KLRG1: variants seen among roughly 807,000 people sequenced by gnomAD.
KLRG1 encodes killer cell lectin-like receptor subfamily G member 1.
Under a neutral mutation model 21.8 loss-of-function variants are expected in KLRG1, and 16 were observed. The observed-to-expected ratio is 0.73, with a 90% CI of 0.50 to 1.11. The LOEUF (loss-of-function observed/expected upper bound fraction) is 1.11, where lower values mean the gene tolerates loss of function less well. Among genes scored for constraint, KLRG1 ranks in the 50% most tolerant of loss-of-function variants. The probability of loss-of-function intolerance (pLI) is 0.00; values close to 1 mark genes in which losing one functional copy is unlikely to be tolerated. For missense variants in KLRG1, 173 were observed against 218.3 expected (o/e 0.79, Z 1.31); for synonymous variants, 69 against 75.9 (o/e 0.91, Z 0.47).
downstream of KLRG1, among the ~76,000 whole-genome samples, chr12:9,011,221 G>C (rs147560513): frequency 6.6e-6 from 1 of 152,158 alleles, no homozygotes; most frequent in Admixed American, 6.5e-5. Flanking sequence ...CCTATTGTCA[G>C]AATTGGGTGT....
chr12:8,967,709 A>G (rs1462652994), intron 1 of KLRG1, among the ~76,000 whole-genome samples: 1 of 152,204 alleles, frequency 6.6e-6, no homozygotes, highest in Non-Finnish European at 1.5e-5. Context: ...AGCCTGGCCA[A>G]CAGAGCTGGA....
chr12:9,154,169 G>A, the KLRG1 span, among the ~76,000 whole-genome samples: 30 of 152,130 alleles, frequency 2.0e-4, no homozygotes, highest in African/African-American at 6.0e-4. Context: ...CTGGAACATT[G>A]GTTCCCAACT....
At chr12:9,203,934 A>G in the KLRG1 span, 2 of 1,613,488 alleles carry the variant, frequency 1.2e-6, no homozygotes, top group East Asian at 4.5e-5. Context: ...CAGGGAGGGG[A>G]CCAGCACCAT....
the KLRG1 span, among the ~76,000 whole-genome samples, chr12:9,078,380 T>G: frequency 6.6e-6 from 1 of 152,246 alleles, no homozygotes; most frequent in African/African-American, 2.4e-5. Context: ...TCATTTCTTT[T>G]TATTGCTGCA....
rs1947604637 is a variant in KLRG1 at position 9,010,261 on chromosome 12, T to C, written c.*724T>C. 1 of 475,734 alleles carries C rather than the reference T, an allele frequency of 2.1e-6. No individual in the cohort carries two copies. The highest frequency in any genetic ancestry group is 3.7e-6 in the Non-Finnish European group (1 of 267,564). The allele number at this position is 475,734 out of a possible 1,614,324, so 29.5% of individuals were successfully genotyped here. ...TGAGGGCAAGGTGGTACTTCCTCCT[T>C]CTGAGCTCTTCACACGTAATGCAAA... is the stretch of plus-strand genomic sequence containing the variant. On this transcript the variant is annotated 3_prime_UTR_variant, in exon 5 of 5. Transcript: ENST00000356986.
At chr12:9,128,599 C>T in the KLRG1 span, 1 of 152,188 alleles carries the variant, frequency 6.6e-6, no homozygotes, top group Non-Finnish European at 1.5e-5. Flanking sequence ...TGCTCGAGCG[C>T]CAGAAAGATC....
the KLRG1 span, chr12:9,099,655 A>C: frequency 2.7e-6 from 3 of 1,112,522 alleles, no homozygotes; most frequent in Non-Finnish European, 2.5e-6. Context: ...CTTTAGAAAA[A>C]AACCCTATCA....
chr12:9,129,410 C>T, the KLRG1 span, among the ~76,000 whole-genome samples: 1 of 151,828 alleles, frequency 6.6e-6, no homozygotes, highest in East Asian at 1.9e-4. Context: ...CTTTCTCTGA[C>T]TATAAAAAGT....
At chr12:9,208,990 C>T in the KLRG1 span, among the ~76,000 whole-genome samples, 1 of 152,058 alleles carries the variant, frequency 6.6e-6, no homozygotes, top group Non-Finnish European at 1.5e-5. Context: ...CCTATCTGTC[C>T]TTGTTACTGT....
the KLRG1 span, among the ~76,000 whole-genome samples, chr12:9,020,776 T>C: frequency 2.0e-5 from 3 of 152,228 alleles, no homozygotes; most frequent in African/African-American, 7.2e-5. Context: ...CTTGGCTAAA[T>C]GCCTAGGAAG....
the KLRG1 span, among the ~76,000 whole-genome samples, chr12:9,062,471 ATC>A: frequency 6.9e-6 from 1 of 145,888 alleles, no homozygotes; most frequent in Admixed American, 6.9e-5. Context: ...TGGATAATAT[ATC>A]TGATATATTT....
At chr12:8,976,957 G>A (rs1270549326) in intron 1 of KLRG1, among the ~76,000 whole-genome samples, 1 of 151,874 alleles carries the variant, frequency 6.6e-6, no homozygotes, top group Non-Finnish European at 1.5e-5. Context: ...CACCATGTTG[G>A]TCAGGCTGGT....
chr12:9,147,959 G>T, the KLRG1 span, among the ~76,000 whole-genome samples: 1 of 151,674 alleles, frequency 6.6e-6, no homozygotes, highest in African/African-American at 2.4e-5. Flanking sequence ...CCCTGTTTCT[G>T]TAGATAGGAT....
the KLRG1 span, among the ~76,000 whole-genome samples, chr12:9,212,885 C>T: frequency 6.6e-6 from 1 of 152,034 alleles, no homozygotes; most frequent in Non-Finnish European, 1.5e-5. Context: ...TAATTATTAC[C>T]ACTATGAAAT....
At chr12:9,204,468 CA>C in the KLRG1 span, among the ~76,000 whole-genome samples, 1 of 152,096 alleles carries the variant, frequency 6.6e-6, no homozygotes, top group South Asian at 2.1e-4. Flanking sequence ...TATCATTACA[CA>C]AAATAACACA....
chr12:8,989,002 AT>A (rs1198390912), upstream of KLRG1, among the ~76,000 whole-genome samples: 4 of 152,240 alleles, frequency 2.6e-5, no homozygotes, highest in South Asian at 2.1e-4. Flanking sequence ...AATAAAAAAA[AT>A]AAGACAACAA....
chr12:9,158,423 T>C, the KLRG1 span: 1 of 1,614,172 alleles, frequency 6.2e-7, no homozygotes, highest in Non-Finnish European at 8.5e-7. Flanking sequence ...AGTTCACCTT[T>C]ATGGCATTGT....
At chr12:9,116,030 G>T in the KLRG1 span, 2 of 648,396 alleles carry the variant, frequency 3.1e-6, no homozygotes. Context: ...CTCTGGAAAG[G>T]TCATTGATGG....
At chr12:9,044,938 T>C in the KLRG1 span, among the ~76,000 whole-genome samples, 1 of 152,228 alleles carries the variant, frequency 6.6e-6, no homozygotes, top group Non-Finnish European at 1.5e-5. Flanking sequence ...AGAAGTATCA[T>C]AAATATCTGT....
Sources: allele counts gnomAD v4.1 joint callset (sites outside exome capture counted in the v4.1 genomes callset), GRCh38; gene constraint gnomAD v4.1.1; transcripts MANE v1.5; gene names NCBI Gene and HGNC (gene_info 2026-07-23, HGNC 2026-07-21).